Variants in JAZF1 observed in about 807,000 individuals in gnomAD.
JAZF1 encodes the protein JAZF zinc finger 1, also known as juxtaposed with another zinc finger protein 1.
A neutral mutation model predicts 26.4 loss-of-function variants in JAZF1; 8 were observed. The observed-to-expected ratio is 0.30, with a 90% confidence interval of 0.18 to 0.55. The LOEUF (loss-of-function observed/expected upper bound fraction) is 0.55. Ranked by LOEUF, JAZF1 falls within the 20% of genes least tolerant of loss-of-function variation. JAZF1 has a pLI of 0.94. For synonymous variants in JAZF1, 126 were observed against 122.3 expected (o/e 1.03, Z -0.20); for missense variants, 199 against 322.0 (o/e 0.62, Z 2.92).
chr7:27,869,708 T>TA (rs1783546644), intron 3 of JAZF1, among the ~76,000 whole-genome samples: 2 of 152,192 alleles, frequency 1.3e-5, no homozygotes, highest in Non-Finnish European at 2.9e-5. Context: ...AAGTAGGCTT[T>TA]GTGTAAAACA....
At chr7:27,959,915 A>T (rs1469902964) in intron 2 of JAZF1, among the ~76,000 whole-genome samples, 1 of 132,454 alleles carries the variant, frequency 7.5e-6, no homozygotes, top group African/African-American at 2.8e-5. Context: ...AAAAAAAAAA[A>T]TGTGCAGATG....
chr7:28,121,768 C>T (rs1782609048), intron 1 of JAZF1, among the ~76,000 whole-genome samples: 1 of 152,202 alleles, frequency 6.6e-6, no homozygotes, highest in Non-Finnish European at 1.5e-5. Flanking sequence ...TTCTGAAGTC[C>T]ATGTTGACCA....
At position 27,886,342 on chromosome 7, in the gene JAZF1, G is replaced by A. The variant is rs138237424; in HGVS notation, c.385+8878C>T. Among the ~76,000 whole-genome samples, 439 of 152,288 alleles carry A rather than the reference G, an allele frequency of 2.9e-3. 1 individual carries two copies. The highest frequency in any genetic ancestry group is 9.8e-3 in the African/African-American group (409 of 41,546). On this transcript the variant is annotated intron_variant, in intron 3 of 4. Transcript: ENST00000283928. ...TTTACTTCTGTGCTCCCAGAGTTCT[G>A]GAGGGTCTCCCAGAAAACTCTAGAT... is the stretch of plus-strand genomic sequence containing the variant.
At chr7:27,883,923 T>G (rs1783814325) in intron 3 of JAZF1, among the ~76,000 whole-genome samples, 1 of 152,240 alleles carries the variant, frequency 6.6e-6, no homozygotes, top group African/African-American at 2.4e-5. Context: ...TTCCGCCTAC[T>G]GTCTTTCTTC....
At chr7:27,967,573 A>C (rs1367473455) in intron 2 of JAZF1, among the ~76,000 whole-genome samples, 1 of 152,224 alleles carries the variant, frequency 6.6e-6, no homozygotes, top group African/African-American at 2.4e-5. Context: ...AACATAGGTT[A>C]AATGAAAAAG....
intron 1 of JAZF1, among the ~76,000 whole-genome samples, chr7:28,102,418 A>C (rs1583561081): frequency 6.6e-6 from 1 of 152,206 alleles, no homozygotes; most frequent in East Asian, 1.9e-4. Context: ...CATAAGTATC[A>C]CTCTCTGATT....
At chr7:28,011,759 G>C (rs1362555658) in intron 1 of JAZF1, among the ~76,000 whole-genome samples, 1 of 152,058 alleles carries the variant, frequency 6.6e-6, no homozygotes, top group East Asian at 1.9e-4. Context: ...CATAAAAAAT[G>C]ATAAACAAAC....
At chr7:27,973,292 G>T (rs1393753046) in intron 2 of JAZF1, among the ~76,000 whole-genome samples, 4 of 152,066 alleles carry the variant, frequency 2.6e-5, no homozygotes, top group South Asian at 2.1e-4. Flanking sequence ...GAGTGTGTGT[G>T]TGTGTATATA....
intron 2 of JAZF1, among the ~76,000 whole-genome samples, chr7:27,984,724 G>A (rs1180246555): frequency 1.3e-5 from 2 of 152,136 alleles, no homozygotes; most frequent in African/African-American, 4.8e-5. Flanking sequence ...CTCAGCAAAC[G>A]TAAAAGAACA....
chr7:28,173,354 G>A (rs965665201), intron 1 of JAZF1, among the ~76,000 whole-genome samples: 1 of 152,172 alleles, frequency 6.6e-6, no homozygotes, highest in Non-Finnish European at 1.5e-5. Context: ...TATCCATGGT[G>A]ATCTTGAAAG....
intron 3 of JAZF1, among the ~76,000 whole-genome samples, chr7:27,885,346 T>C (rs1783841253): frequency 6.6e-6 from 1 of 152,226 alleles, no homozygotes; most frequent in Admixed American, 6.5e-5. Context: ...AGTCTCCACA[T>C]TTAAAAGGGT....
chr7:27,845,558 G>A (rs550234189), intron 3 of JAZF1, among the ~76,000 whole-genome samples: 4 of 151,984 alleles, frequency 2.6e-5, no homozygotes, highest in Middle Eastern at 3.4e-3. Context: ...TTAGCTGAAC[G>A]TGGAGGCACG....
chr7:28,120,802 C>T (rs948393929), intron 1 of JAZF1, among the ~76,000 whole-genome samples: 3 of 152,028 alleles, frequency 2.0e-5, no homozygotes, highest in African/African-American at 4.8e-5. Context: ...TCCTCCACTC[C>T]GTGCACTTGC....
intron 2 of JAZF1, chr7:27,913,510 G>A: frequency 3.0e-6 from 1 of 334,414 alleles, no homozygotes; most frequent in East Asian, 1.3e-4. Context: ...AGCTTGGTGG[G>A]AGGGGCGCTG....
chr7:27,941,848 CAG>C lies in JAZF1; in HGVS notation c.189-46434_189-46433del, dbSNP rs1784852706. 9.2e-5 allele frequency among the ~76,000 whole-genome samples: 14 copies of C among 152,224 alleles called. No individual in the cohort carries two copies. In the South Asian group the frequency reaches 2.9e-3, roughly 32 times the overall value. ...GAATGAGCTGTTTTGAAATTTATGC[CAG>C]CTTCAGCACGGCCCACAGGAGGGAA... On this transcript the variant is annotated intron_variant, in intron 2 of 4. Transcript: ENST00000283928.
At chr7:27,896,174 G>C (rs1027856896) in intron 2 of JAZF1, among the ~76,000 whole-genome samples, 6 of 152,146 alleles carry the variant, frequency 3.9e-5, no homozygotes, top group Non-Finnish European at 8.8e-5. Context: ...GACTTTTCCT[G>C]ATAGTTTCAC....
At chr7:28,019,142 A>G (rs773040667) in intron 1 of JAZF1, among the ~76,000 whole-genome samples, 13 of 152,084 alleles carry the variant, frequency 8.5e-5, no homozygotes, top group Non-Finnish European at 1.8e-4. Flanking sequence ...CTAAAGTTAT[A>G]CTCCAGAAGC....
chr7:27,831,703 A>T lies in JAZF1; in HGVS notation c.*1097T>A. The T allele has an allele frequency of 4.4e-6, 1 of 224,802 alleles. No homozygotes were observed. The highest frequency in any genetic ancestry group is 8.9e-6 in the Non-Finnish European group (1 of 112,490). 13.9% of individuals were successfully genotyped at this position (224,802 alleles called of 1,614,324 possible). A position where few individuals can be genotyped will look rare whatever the true frequency, so the allele number is the denominator to read the frequency against. On this transcript the variant is annotated 3_prime_UTR_variant, in exon 5 of 5. Transcript: ENST00000283928. ...CAATGTGATGAGAAAAGTACCTTTTAAAAAAAGTAAAAAATGAGCATGAAG... is the reference window on the plus strand; with the variant it reads ...CAATGTGATGAGAAAAGTACCTTTTTAAAAAAGTAAAAAATGAGCATGAAG...
chr7:28,041,184 T>A (rs1378453927), intron 1 of JAZF1, among the ~76,000 whole-genome samples: 2 of 152,114 alleles, frequency 1.3e-5, no homozygotes, highest in Admixed American at 6.6e-5. Flanking sequence ...CACAAATAAC[T>A]ATTGTTTACC....
Sources: allele counts gnomAD v4.1 joint callset (sites outside exome capture counted in the v4.1 genomes callset), GRCh38; gene constraint gnomAD v4.1.1; transcripts MANE v1.5; gene names NCBI Gene and HGNC (gene_info 2026-07-23, HGNC 2026-07-21).